The following NRXN3 variants were observed in gnomAD, a reference collection of about 807,000 sequenced individuals.
NRXN3 encodes neurexin III.
A neutral mutation model predicts 137.6 loss-of-function variants in NRXN3; 32 were observed. That is an observed-to-expected ratio of 0.23 (90% CI 0.18 to 0.31). NRXN3 has a LOEUF of 0.31. Among genes scored for constraint, NRXN3 ranks in the 10% least tolerant of loss-of-function variants. NRXN3 has a pLI of 1.00. For missense variants in NRXN3, 1,574 were observed against 2,062.5 expected (o/e 0.76, Z 4.59); for synonymous variants, 798 against 784.5 (o/e 1.02, Z -0.29).
At chr14:78,473,448 T>G (rs548298949) in intron 4 of NRXN3, among the ~76,000 whole-genome samples, 9 of 152,110 alleles carry the variant, frequency 5.9e-5, no homozygotes, top group South Asian at 2.1e-4. Flanking sequence ...GAAACTTCTT[T>G]TTAATGGACT....
chr14:79,481,298 C>A (rs1409777746), intron 16 of NRXN3, among the ~76,000 whole-genome samples: 1 of 152,148 alleles, frequency 6.6e-6, no homozygotes, highest in Non-Finnish European at 1.5e-5. Context: ...CTTTCTTTGC[C>A]AAATTTCCAC....
chr14:79,734,858 T>G (rs9323677), intron 19 of NRXN3, among the ~76,000 whole-genome samples: 4,263 of 152,270 alleles, frequency 0.028, 194 homozygotes, highest in African/African-American at 0.098. Flanking sequence ...CTTGGCTTCC[T>G]TTCTGAATAA....
intron 4 of NRXN3, among the ~76,000 whole-genome samples, chr14:78,331,985 G>A (rs1286631615): frequency 6.6e-6 from 1 of 152,176 alleles, no homozygotes; most frequent in East Asian, 1.9e-4. Flanking sequence ...GGAGGTTGAT[G>A]TTGAGAAAAA....
At chr14:79,755,780 A>G (rs2099017443) in intron 19 of NRXN3, among the ~76,000 whole-genome samples, 1 of 152,138 alleles carries the variant, frequency 6.6e-6, no homozygotes, top group Admixed American at 6.6e-5. Context: ...AAATCATGCC[A>G]TTGTTTAAGG....
chr14:78,621,932 A>T (rs1054231747), intron 4 of NRXN3, among the ~76,000 whole-genome samples: 1 of 152,218 alleles, frequency 6.6e-6, no homozygotes, highest in African/African-American at 2.4e-5. Flanking sequence ...AGAGGGTATT[A>T]GTACCTATTA....
At chr14:78,606,449 T>C (rs913018437) in intron 4 of NRXN3, among the ~76,000 whole-genome samples, 2 of 152,210 alleles carry the variant, frequency 1.3e-5, no homozygotes, top group African/African-American at 2.4e-5. Flanking sequence ...CTTTAATCAC[T>C]GAGAAAACCT....
At chr14:78,289,642 G>T (rs192824276) in intron 3 of NRXN3, among the ~76,000 whole-genome samples, 158 of 151,946 alleles carry the variant, frequency 1.0e-3, no homozygotes, top group African/African-American at 3.7e-3. Flanking sequence ...GGGGCCAGGC[G>T]TGGTGGCTCA....
intron 10 of NRXN3, among the ~76,000 whole-genome samples, chr14:78,905,269 A>C (rs1482610612): frequency 1.3e-5 from 2 of 152,054 alleles, no homozygotes; most frequent in Admixed American, 1.3e-4. Context: ...CCTGATCTTG[A>C]CCATTTACCT....
chr14:79,288,347 C>T (rs2082624759), intron 15 of NRXN3, among the ~76,000 whole-genome samples: 1 of 152,166 alleles, frequency 6.6e-6, no homozygotes, highest in Non-Finnish European at 1.5e-5. Context: ...GAGCAGGGGG[C>T]AGACTAGCAA....
rs544894890 is a variant in NRXN3, at chr14:79,122,623, T to C, written c.3262+134482T>C. ...CCAGTATTAGTGTAAGTGGGTACAG[T>C]AGAAAGAGGCCTTAACTTGGAATAT... On this transcript the variant is annotated intron_variant, in intron 15 of 20. Coordinates refer to ENST00000335750, the MANE Select transcript of NRXN3 (RefSeq NM_001330195.2). 4.6e-5 allele frequency among the ~76,000 whole-genome samples: 7 copies of C among 152,382 alleles called. No individual in the cohort carries two copies. In the East Asian group the frequency reaches 1.3e-3, roughly 29 times the overall value.
chr14:78,957,609 C>T (rs1010111939), intron 11 of NRXN3, among the ~76,000 whole-genome samples: 6 of 152,220 alleles, frequency 3.9e-5, no homozygotes, highest in South Asian at 2.1e-4. Flanking sequence ...TCTCCTTAGG[C>T]GTAGAGTATG....
rs1568486887 is a variant in NRXN3, at chr14:79,861,814, CA to C, written c.4567del (p.Arg1523GlyfsTer26). The part of the protein sequence containing the change: ...LLYAMYKYRN[R>X]DEGSYQVDET... ...TGTACGCCATGTACAAGTACAGGAA[CA>C]GGGACGAGGGGTCCTATCAAGTGGA... On this transcript the variant is annotated frameshift_variant, in exon 21 of 21. Transcript: ENST00000335750. LOFTEE classifies it high-confidence loss of function. The surrounding 1 kb of genome is among the most constrained non-coding windows in gnomAD (Gnocchi z 5.4). 6.2e-7 allele frequency: 1 copy of C among 1,614,124 alleles called. No homozygotes were observed. Among genetic ancestry groups the C allele is most frequent in the Admixed American group, 1.7e-5 (1 of 60,016 alleles).
intron 4 of NRXN3, among the ~76,000 whole-genome samples, chr14:78,608,512 G>A (rs1160085623): frequency 1.3e-5 from 2 of 152,128 alleles, no homozygotes; most frequent in Non-Finnish European, 2.9e-5. Flanking sequence ...ATCCTCACTA[G>A]TGGGACATTG....
chr14:79,192,762 T>C (rs1464790064), intron 15 of NRXN3, among the ~76,000 whole-genome samples: 2 of 131,060 alleles, frequency 1.5e-5, no homozygotes, highest in Non-Finnish European at 3.1e-5. Flanking sequence ...TACAATTCTC[T>C]TAATTTTTTT....
chr14:78,336,351 C>A (rs2081466993), intron 4 of NRXN3, among the ~76,000 whole-genome samples: 1 of 152,140 alleles, frequency 6.6e-6, no homozygotes, highest in Admixed American at 6.6e-5. Context: ...CGAAGCTGTG[C>A]CTCTCTTCCC....
intron 4 of NRXN3, among the ~76,000 whole-genome samples, chr14:78,634,689 T>G (rs1388027502): frequency 6.6e-6 from 1 of 152,214 alleles, no homozygotes; most frequent in African/African-American, 2.4e-5. Flanking sequence ...TTCGAATACC[T>G]TCCTGGTTCC....
chr14:78,176,870 G>A (rs2059321707), intron 1 of NRXN3, among the ~76,000 whole-genome samples: 1 of 151,922 alleles, frequency 6.6e-6, no homozygotes, highest in South Asian at 2.1e-4. Flanking sequence ...CAGGTGGGTG[G>A]TAGGTGTGTC....
chr14:78,922,717 G>T (rs918058897), intron 10 of NRXN3, among the ~76,000 whole-genome samples: 1 of 152,126 alleles, frequency 6.6e-6, no homozygotes, highest in Admixed American at 6.5e-5. Flanking sequence ...GGAGCAGGGG[G>T]AGGGAGAGCA....
At chr14:79,569,620 TGTGTGTGTGTGA>T (rs2097579382) in intron 16 of NRXN3, among the ~76,000 whole-genome samples, 1 of 146,894 alleles carries the variant, frequency 6.8e-6, no homozygotes, top group Non-Finnish European at 1.5e-5. Context: ...TGTGTGTGTG[TGTGTGTGTGTGA>T]GAGAGAGAGA....
Sources: gnomAD v4.1 joint callset for allele counts (sites outside exome capture counted in the v4.1 genomes callset) on GRCh38, gnomAD v4.1.1 for gene constraint, Gnocchi (gnomAD v3.1) non-coding constraint, MANE v1.5 for transcripts, NCBI Gene and HGNC (gene_info 2026-07-23, HGNC 2026-07-21) for gene names.